LILRA1: variants seen among roughly 807,000 people sequenced by gnomAD.
LILRA1 encodes the protein leukocyte immunoglobulin like receptor A1, also known as leukocyte immunoglobulin-like receptor subfamily A member 1.
A neutral mutation model predicts 51.6 loss-of-function variants in LILRA1; 51 were observed. The ratio of observed to expected loss-of-function variants is 0.99; its 90% CI spans 0.79 to 1.25. LILRA1 has a LOEUF of 1.25. LILRA1 is among the 50% of genes most tolerant of loss of function. The probability of loss-of-function intolerance (pLI) is 0.00; values close to 1 mark genes in which losing one functional copy is unlikely to be tolerated. For synonymous variants in LILRA1, 305 were observed against 248.4 expected, an observed-to-expected ratio of 1.23 and a Z score of -2.14; for missense variants, 660 against 611.7, an observed-to-expected ratio of 1.08 and a Z score of -0.83.
intron 7 of LILRA1, among the ~76,000 whole-genome samples, chr19:54,597,397 C>G (rs1182195529): frequency 1.7e-5 from 2 of 116,614 alleles, no homozygotes; most frequent in Non-Finnish European, 3.9e-5. Flanking sequence ...TCCCCCTCCC[C>G]GAGCAGGATT....
chr19:54,595,331 G>T lies in LILRA1; in HGVS notation c.590G>T (p.Cys197Phe), dbSNP rs771764129. 2.5e-6 allele frequency: 4 copies of T among 1,614,118 alleles called. No homozygotes were observed. Among genetic ancestry groups the T allele is most frequent in the South Asian group, 2.2e-5 (2 of 91,078 alleles). ...CCGAGTCGCAGGTGGTCGTACAGGT[G>T]CTATGCTTATGACTCGAACTCTCCC... ...VSPSRRWSYR[C>F]YAYDSNSPHV... Residue 197 changes from cysteine to phenylalanine, a missense_variant, in exon 5 of 10, where the codon TGC becomes TTC. Transcript: ENST00000251372.
chr19:54,594,993 TC>T, intron 4 of LILRA1, 41 bp downstream of exon 4: 1 of 1,609,990 alleles, frequency 6.2e-7, no homozygotes, highest in Non-Finnish European at 8.5e-7. Context: ...GGCTCTGCCC[TC>T]AGGAAGGGAG....
chr19:54,597,322 C>T (rs1391462940), intron 7 of LILRA1, among the ~76,000 whole-genome samples: 4 of 152,096 alleles, frequency 2.6e-5, no homozygotes, highest in African/African-American at 4.8e-5. Context: ...GTGTTCCCTC[C>T]GTGGTGTTCA....
Position 54,596,234 on chromosome 19 carries a change from C to A in LILRA1, c.1004C>A (p.Thr335Lys). Residue 335 changes from threonine to lysine, a missense_variant, in exon 7 of 10, where the codon ACG becomes AAG. Thr to Lys is a moderately conservative substitution (Grantham distance 78, BLOSUM62 -1). Transcript: ENST00000251372. The part of the protein sequence containing the change: ...RPFISVHPGP[T>K]VASGENVTLL... ...TTCATCTCGGTGCATCCGGGCCCCA[C>A]GGTGGCCTCAGGAGAGAACGTGACC... The A allele has an allele frequency of 6.2e-7, 1 of 1,614,034 alleles. No homozygotes were observed. Among genetic ancestry groups the A allele is most frequent in the South Asian group, 1.1e-5 (1 of 91,078 alleles).
intron 7 of LILRA1, among the ~76,000 whole-genome samples, chr19:54,598,786 C>T (rs573934266): frequency 2.0e-5 from 3 of 151,794 alleles, no homozygotes; most frequent in East Asian, 3.9e-4. Flanking sequence ...TAAATTAGAA[C>T]GAATATAATT....
intron 4 of LILRA1, 28 bp from the exon 5 acceptor site, chr19:54,595,072 T>C (rs1251213870): frequency 1.2e-6 from 2 of 1,605,924 alleles, no homozygotes; most frequent in Non-Finnish European, 1.7e-6. Context: ...GTGAGCCCCA[T>C]TTAACATGGT....
intron 8 of LILRA1, chr19:54,599,621 T>A (rs1261336727): frequency 9.9e-7 from 1 of 1,013,260 alleles, no homozygotes; most frequent in African/African-American, 1.8e-5. Flanking sequence ...TGGGAAATTT[T>A]ACTTCTTTAT....
In LILRA1 at chr19:54,600,581, C is replaced by T. The variant is rs2063145774; in HGVS notation, c.1351+31C>T. 1.9e-6 allele frequency: 3 copies of T among 1,613,786 alleles called. No individual in the cohort carries two copies. The South Asian group carries it at 3.3e-5, about 18-fold the overall frequency. On this transcript the variant is annotated intron_variant, in intron 9 of 9. Coordinates refer to ENST00000251372, the MANE Select transcript of LILRA1 (RefSeq NM_006863.4). The stretch of plus-strand genomic sequence containing the variant: ...TGAGGAGATGCTCTCGTTTACGGTG[C>T]TGGGCACAAGGGTTGGGTCCTGTCA...
chr19:54,594,220 G>A lies in LILRA1; in HGVS notation c.-25G>A. ...AGCACCGAGGGCTCATCCATCCGCA[G>A]AGCAGGGCAGTGGGAGGAGACGCTA... On this transcript the variant is annotated 5_prime_UTR_variant, in exon 2 of 10. Coordinates refer to ENST00000251372, the MANE Select transcript of LILRA1 (RefSeq NM_006863.4). 6.2e-7 allele frequency: 1 copy of A among 1,613,012 alleles called. No homozygotes were observed. Among genetic ancestry groups the A allele is most frequent in the Admixed American group, 1.7e-5 (1 of 59,850 alleles).
rs1159981721 is a variant in LILRA1 at position 54,594,902 on chromosome 19, A to C, written c.308A>C (p.His103Pro). ...TGRYRCFYGS[H>P]TAGWSEPSDP... ...CGGTATCGCTGTTTCTACGGTAGCC[A>C]CACTGCAGGCTGGTCAGAGCCCAGT... The change falls in exon 4 of 10, where the codon CAC becomes CCC. Residue 103 changes from histidine (H) to proline (P), a missense_variant. By Grantham distance (77) the His-to-Pro change is moderately conservative (BLOSUM62 -2). Coordinates refer to ENST00000251372, the MANE Select transcript of LILRA1 (RefSeq NM_006863.4). The C allele has an allele frequency of 6.2e-7, 1 of 1,614,132 alleles. No homozygotes were observed. Among genetic ancestry groups the C allele is most frequent in the East Asian group, 2.2e-5 (1 of 44,880 alleles).
At position 54,595,351 on chromosome 19, in the gene LILRA1, T is replaced by A. The variant is rs1202568419; in HGVS notation, c.610T>A (p.Ser204Thr). 8 of 1,539,160 alleles carry A rather than the reference T, an allele frequency of 5.2e-6. No homozygotes were observed. In the East Asian group the frequency reaches 1.8e-4, roughly 35 times the overall value. ...SYRCYAYDSN[S>T]PHVWSLPSDL... ...CAGGTGCTATGCTTATGACTCGAACTCTCCCCATGTGTGGTCTCTACCCAG... is the reference window on the plus strand; with the variant it reads ...CAGGTGCTATGCTTATGACTCGAACACTCCCCATGTGTGGTCTCTACCCAG... Residue 204 changes from serine (S) to threonine (T), a missense_variant, in exon 5 of 10, where the codon TCT becomes ACT. Transcript: ENST00000251372.
chr19:54,594,129 C>T (rs2062966192), intron 1 of LILRA1, 68 bp from the exon 2 acceptor site: 3 of 1,497,560 alleles, frequency 2.0e-6, no homozygotes, highest in African/African-American at 1.4e-5. Flanking sequence ...AGGACCCAGC[C>T]TCCGAGTGTC....
At chr19:54,595,557 G>C in intron 5 of LILRA1, 82 bp from the exon 6 acceptor site, 3 of 1,551,740 alleles carry the variant, frequency 1.9e-6, no homozygotes, top group Non-Finnish European at 2.6e-6. Flanking sequence ...AAGATCAGCA[G>C]TGGTGAGGCC....
At chr19:54,597,571 G>A (rs2063085693) in intron 7 of LILRA1, among the ~76,000 whole-genome samples, 1 of 152,018 alleles carries the variant, frequency 6.6e-6, no homozygotes, top group South Asian at 2.1e-4. Flanking sequence ...GAACAGGTCG[G>A]GTCAGCAGGA....
chr19:54,597,869 C>T (rs2063092032), intron 7 of LILRA1, among the ~76,000 whole-genome samples: 1 of 151,200 alleles, frequency 6.6e-6, no homozygotes, highest in Admixed American at 6.6e-5. Flanking sequence ...CCCTAACTTG[C>T]CAGGGAGCAA....
rs534052879 is a variant in LILRA1 at position 54,593,729 on chromosome 19, T to C, written c.-101T>C. The C allele has an allele frequency of 2.5e-4, 191 of 760,374 alleles. 3 individuals are homozygous for C. The highest frequency in any genetic ancestry group is 2.5e-3 in the South Asian group (179 of 71,308). The allele number at this position is 760,374 out of a possible 1,614,324, so 47.1% of individuals were successfully genotyped here. On this transcript the variant is annotated 5_prime_UTR_variant, in exon 1 of 10. The change abolishes an upstream ATG in the 5' untranslated region. Coordinates refer to ENST00000251372, the MANE Select transcript of LILRA1 (RefSeq NM_006863.4). ...TGCTGATCTGAGTCTGCCTGCAGCA[T>C]GGACCTTGGTCTTCCCTGAAGCATC...
chr19:54,600,720 C>G lies in LILRA1; in HGVS notation c.1373C>G (p.Thr458Arg). 1 of 1,614,052 alleles carries G rather than the reference C, an allele frequency of 6.2e-7. No individual in the cohort carries two copies. The highest frequency in any genetic ancestry group is 8.5e-7 in the Non-Finnish European group (1 of 1,180,002). Residue 458 changes from threonine (T) to arginine (R), a missense_variant, in exon 10 of 10, where the codon ACA becomes AGA. Thr to Arg is a moderately conservative substitution (Grantham distance 71). Coordinates refer to ENST00000251372, the MANE Select transcript of LILRA1 (RefSeq NM_006863.4). ...NKTASHPQDYTVENLIRMGIA... is the reference protein window; with the variant it reads ...NKTASHPQDYRVENLIRMGIA... ...CCAGCCTCACACCCCCAGGATTACA[C>G]AGTGGAGAATCTCATCCGCATGGGC...
intron 8 of LILRA1, 26 bp from the exon 9 acceptor site, chr19:54,600,486 C>T (rs1161258127): frequency 1.2e-6 from 2 of 1,613,472 alleles, no homozygotes; most frequent in Admixed American, 1.7e-5. Flanking sequence ...TGGCTCAGGG[C>T]TCTTCCCCTC....
intron 1 of LILRA1, 63 bp downstream of exon 1, chr19:54,593,844 G>A: frequency 1.2e-6 from 1 of 830,818 alleles, no homozygotes; most frequent in East Asian, 4.7e-5. Context: ...CATGTGGGAG[G>A]CTGTGAGAAG....
Sources: gnomAD v4.1 joint callset for allele counts (sites outside exome capture counted in the v4.1 genomes callset) on GRCh38, gnomAD v4.1.1 for gene constraint, MANE v1.5 for transcripts, NCBI Gene and HGNC (gene_info 2026-07-23, HGNC 2026-07-21) for gene names.